NEK11: variants seen among roughly 807,000 people sequenced by gnomAD.
The protein encoded by NEK11 is serine/threonine-protein kinase Nek11.
NEK11 carries 72 observed loss-of-function variants against 80.7 expected under a neutral mutation model. The observed-to-expected ratio is 0.89, with a 90% CI of 0.74 to 1.08. The LOEUF (loss-of-function observed/expected upper bound fraction) is 1.08, where lower values mean the gene tolerates loss of function less well. NEK11 is among the 50% of genes least tolerant of loss of function. The probability of loss-of-function intolerance (pLI) is 0.00; values close to 1 mark genes in which losing one functional copy is unlikely to be tolerated. For missense variants in NEK11, 764 were observed against 763.6 expected (o/e 1.00, Z -0.01); for synonymous variants, 251 against 260.7 (o/e 0.96, Z 0.36).
At chr3:131,345,556 A>G (rs2097350268) in intron 17 of NEK11, among the ~76,000 whole-genome samples, 1 of 152,222 alleles carries the variant, frequency 6.6e-6, no homozygotes, top group Non-Finnish European at 1.5e-5. Flanking sequence ...GGTGTGGAGA[A>G]AAGAGAACCC....
intron 7 of NEK11, among the ~76,000 whole-genome samples, chr3:131,147,173 A>T (rs1269551213): frequency 6.6e-6 from 1 of 152,060 alleles, no homozygotes; most frequent in African/African-American, 2.4e-5. Context: ...TTTCTTTTAA[A>T]GCTGACTCAA....
At chr3:131,224,891 T>C (rs991079530) in intron 14 of NEK11, among the ~76,000 whole-genome samples, 2 of 152,202 alleles carry the variant, frequency 1.3e-5, no homozygotes, top group Non-Finnish European at 1.5e-5. Flanking sequence ...AGCTGTACAA[T>C]GTGTTTGTGT....
chr3:131,089,687 C>T (rs974641394), intron 4 of NEK11, among the ~76,000 whole-genome samples: 9 of 152,166 alleles, frequency 5.9e-5, no homozygotes, highest in African/African-American at 2.2e-4. Flanking sequence ...GATCTGCCTG[C>T]CTTGGCCTCC....
At chr3:131,093,386 T>G (rs1010546670) in intron 4 of NEK11, among the ~76,000 whole-genome samples, 1 of 151,696 alleles carries the variant, frequency 6.6e-6, no homozygotes, top group African/African-American at 2.4e-5. Context: ...AGTCTGAATA[T>G]ATGAATCTAA....
intron 12 of NEK11, 69 bp from the exon 13 acceptor site, chr3:131,168,761 C>A: frequency 9.2e-7 from 1 of 1,082,476 alleles, no homozygotes; most frequent in Non-Finnish European, 1.4e-6. Context: ...CTGAAAGCAG[C>A]ACTTCACCTC....
chr3:131,333,528 G>C (rs2097130667), intron 17 of NEK11, among the ~76,000 whole-genome samples: 1 of 152,170 alleles, frequency 6.6e-6, no homozygotes, highest in Non-Finnish European at 1.5e-5. Context: ...AAAATGTAAA[G>C]ACCATCGAGG....
At chr3:131,180,073 C>T (rs980703727) in intron 14 of NEK11, among the ~76,000 whole-genome samples, 8 of 152,132 alleles carry the variant, frequency 5.3e-5, no homozygotes, top group African/African-American at 1.9e-4. Context: ...TTTTATACCA[C>T]CACCATCTCA....
intron 14 of NEK11, among the ~76,000 whole-genome samples, chr3:131,212,887 A>T (rs2094683840): frequency 6.6e-6 from 1 of 152,160 alleles, no homozygotes; most frequent in African/African-American, 2.4e-5. Context: ...TGTTTTTAAG[A>T]TGCAATTAAT....
intron 17 of NEK11, among the ~76,000 whole-genome samples, chr3:131,288,452 T>TTCTTTC (rs201121837): frequency 0.21 from 10,944 of 52,482 alleles, 546 homozygotes; most frequent in East Asian, 0.46. Context: ...CTTTCTTTCT[T>TTCTTTC]TTTTTTTTTT....
At chr3:131,253,838 C>A (rs1029678339) in intron 16 of NEK11, among the ~76,000 whole-genome samples, 2 of 152,182 alleles carry the variant, frequency 1.3e-5, no homozygotes, top group African/African-American at 4.8e-5. Context: ...GTGAGTTTCT[C>A]TTTTAGCTAT....
chr3:131,279,768 T>C (rs2096365881), intron 17 of NEK11, among the ~76,000 whole-genome samples: 1 of 152,226 alleles, frequency 6.6e-6, no homozygotes, highest in Non-Finnish European at 1.5e-5. Flanking sequence ...TGCATAGTCA[T>C]ATGCTAGAGC....
At chr3:131,343,683 C>A (rs1190747638) in intron 17 of NEK11, among the ~76,000 whole-genome samples, 2 of 152,214 alleles carry the variant, frequency 1.3e-5, no homozygotes, top group East Asian at 3.8e-4. Context: ...GCAGGCTTAA[C>A]ACCATGTAGA....
At chr3:131,234,148 G>T (rs1479698529) in intron 15 of NEK11, among the ~76,000 whole-genome samples, 1 of 152,204 alleles carries the variant, frequency 6.6e-6, no homozygotes, top group African/African-American at 2.4e-5. Flanking sequence ...ACTGTGCTAT[G>T]TACAAGGCAA....
chr3:131,185,624 G>C (rs1429447129), intron 14 of NEK11, among the ~76,000 whole-genome samples: 2 of 152,158 alleles, frequency 1.3e-5, no homozygotes, highest in East Asian at 3.8e-4. Flanking sequence ...TCAAATTCTT[G>C]AAAGACCTGA....
intron 14 of NEK11, among the ~76,000 whole-genome samples, chr3:131,171,633 T>C (rs1395113338): frequency 6.6e-6 from 1 of 152,202 alleles, no homozygotes; most frequent in East Asian, 1.9e-4. Context: ...AATAATGCCT[T>C]CTTTCAGGGT....
At chr3:131,317,817 G>GTGGA in intron 17 of NEK11, among the ~76,000 whole-genome samples, 1 of 83,756 alleles carries the variant, frequency 1.2e-5, no homozygotes, top group South Asian at 6.7e-4. Flanking sequence ...AGAGGAGGAG[G>GTGGA]GGGAGGGGAG....
At chr3:131,077,745 C>T (rs2074596038) in intron 3 of NEK11, among the ~76,000 whole-genome samples, 1 of 152,136 alleles carries the variant, frequency 6.6e-6, no homozygotes, top group Admixed American at 6.5e-5. Flanking sequence ...CTTTGTGCTT[C>T]GCCTGCTGCT....
In NEK11 at chr3:131,237,115, G is replaced by A. The variant is rs543425801; in HGVS notation, c.1561-6321G>A. On this transcript the variant is annotated intron_variant, in intron 15 of 17. Coordinates refer to ENST00000383366, the MANE Select transcript of NEK11 (RefSeq NM_024800.5). Reference sequence around the variant, plus strand: ...AGCACTTTGGGAGGCTGAGGTGGGAGGATTGCTTGAGCTCAGGAGTTTGAG... The same window carrying A: ...AGCACTTTGGGAGGCTGAGGTGGGAAGATTGCTTGAGCTCAGGAGTTTGAG... Among the ~76,000 whole-genome samples, 4 of 152,218 alleles carry A rather than the reference G, an allele frequency of 2.6e-5. No individual in the cohort carries two copies. The South Asian group carries it at 6.2e-4, about 24-fold the overall frequency.
chr3:131,198,588 C>T (rs1027350235), intron 14 of NEK11, among the ~76,000 whole-genome samples: 4 of 152,288 alleles, frequency 2.6e-5, no homozygotes, highest in Non-Finnish European at 5.9e-5. Flanking sequence ...CTGCTACTGT[C>T]GCCAATACCC....
Sources: allele counts gnomAD v4.1 joint callset (sites outside exome capture counted in the v4.1 genomes callset), GRCh38; gene constraint gnomAD v4.1.1; transcripts MANE v1.5; gene names NCBI Gene and HGNC (gene_info 2026-07-23, HGNC 2026-07-21).